STRN: variants seen among roughly 807,000 people sequenced by gnomAD.
The protein encoded by STRN is striatin, also known as protein phosphatase 2 regulatory subunit B'''alpha.
In STRN, 53 loss-of-function variants were observed where a neutral mutation model predicts 96.3. The observed-to-expected ratio is 0.55, with a 90% CI of 0.44 to 0.69. STRN has a LOEUF of 0.69. STRN is among the 30% of genes least tolerant of loss of function. The pLI, the probability that STRN is intolerant of heterozygous loss-of-function variation, is 0.00. For synonymous variants in STRN, 428 were observed against 355.9 expected (o/e 1.20, Z -2.28); for missense variants, 987 against 963.9 (o/e 1.02, Z -0.32).
intron 3 of STRN, among the ~76,000 whole-genome samples, chr2:36,913,202 C>T (rs962691904): frequency 6.6e-6 from 1 of 152,168 alleles, no homozygotes; most frequent in Non-Finnish European, 1.5e-5. Flanking sequence ...TCATCATAAA[C>T]CCCTAATTAA....
chr2:36,914,063 T>C (rs1670030173), intron 3 of STRN, among the ~76,000 whole-genome samples: 1 of 152,112 alleles, frequency 6.6e-6, no homozygotes, highest in African/African-American at 2.4e-5. Context: ...TAGCACACTA[T>C]AACCTAACCT....
At chr2:36,875,337 C>T (rs1445079636) in intron 10 of STRN, among the ~76,000 whole-genome samples, 1 of 151,512 alleles carries the variant, frequency 6.6e-6, no homozygotes, top group Non-Finnish European at 1.5e-5. Context: ...TAGCAAGATC[C>T]CGTCTATACA....
rs547419266 is a variant in STRN at position 36,930,660 on chromosome 2, CAGTT to C, written c.235-5456_235-5453del. Among the ~76,000 whole-genome samples, 264 of 152,086 alleles carry C rather than the reference CAGTT, an allele frequency of 1.7e-3. 3 individuals carry two copies. In the Middle Eastern group the frequency reaches 0.027, roughly 16 times the overall value. ...CCACTGACTTAAACCGTTTGTAACA[CAGTT>C]AGGAGGCCAAAAACAAAAAACAAAG... On this transcript the variant is annotated intron_variant, in intron 1 of 17. Transcript: ENST00000263918.
chr2:36,945,926 A>G (rs180739436), intron 1 of STRN, among the ~76,000 whole-genome samples: 1 of 152,326 alleles, frequency 6.6e-6, no homozygotes, highest in East Asian at 1.9e-4. Context: ...TACTACACTT[A>G]ACAGTTATAC....
intron 1 of STRN, among the ~76,000 whole-genome samples, chr2:36,952,108 T>C (rs1664768449): frequency 6.6e-6 from 1 of 152,166 alleles, no homozygotes; most frequent in Non-Finnish European, 1.5e-5. Context: ...AAAACTCGAA[T>C]TAGCATTCTA....
At position 36,846,447 on chromosome 2, in the gene STRN, ATT is replaced by A. The variant is rs1668080562; in HGVS notation, c.*3007_*3008del. The A allele has an allele frequency of 7.5e-6, 1 of 133,652 alleles. No homozygotes were observed. The highest frequency in any genetic ancestry group is 7.5e-5 in the Admixed American group (1 of 13,300). 8.3% of individuals were successfully genotyped at this position (133,652 alleles called of 1,614,324 possible). ...TATATATAGTTTATATATTATATAT[ATT>A]CTTACAATATATATAATATATATTT... On this transcript the variant is annotated 3_prime_UTR_variant, in exon 18 of 18. Coordinates refer to ENST00000263918, the MANE Select transcript of STRN (RefSeq NM_003162.4).
At chr2:36,914,263 C>T (rs1398335927) in intron 3 of STRN, among the ~76,000 whole-genome samples, 1 of 152,180 alleles carries the variant, frequency 6.6e-6, no homozygotes, top group South Asian at 2.1e-4. Flanking sequence ...AGTGGGATTA[C>T]AGGCATTAGC....
chr2:36,914,118 T>C (rs144949348), intron 3 of STRN, among the ~76,000 whole-genome samples: 3 of 152,240 alleles, frequency 2.0e-5, no homozygotes, highest in East Asian at 1.9e-4. Context: ...GCCTCCCCAG[T>C]AGCTAGGACT....
chr2:36,951,575 C>T (rs1335230970), intron 1 of STRN, among the ~76,000 whole-genome samples: 1 of 152,128 alleles, frequency 6.6e-6, no homozygotes, highest in Non-Finnish European at 1.5e-5. Context: ...CTTAAGGACA[C>T]AATTTAGCTG....
chr2:36,920,867 G>C (rs1482639532), intron 2 of STRN, among the ~76,000 whole-genome samples: 35 of 151,886 alleles, frequency 2.3e-4, no homozygotes, highest in Admixed American at 1.9e-3. Flanking sequence ...ACAAGGTCAA[G>C]GGATCGAGAC....
chr2:36,897,235 A>G (rs1322038427), intron 6 of STRN, among the ~76,000 whole-genome samples: 1 of 152,064 alleles, frequency 6.6e-6, no homozygotes, highest in Non-Finnish European at 1.5e-5. Flanking sequence ...TTTTAATAGG[A>G]TAACTTTCAG....
intron 1 of STRN, among the ~76,000 whole-genome samples, chr2:36,942,627 A>T (rs907962071): frequency 5.9e-5 from 9 of 152,210 alleles, no homozygotes; most frequent in African/African-American, 2.2e-4. Flanking sequence ...ACCAATTGAC[A>T]ATACCACGAA....
intron 14 of STRN, 24 bp from the exon 15 acceptor site, chr2:36,855,376 G>C: frequency 6.2e-7 from 1 of 1,607,194 alleles, no homozygotes; most frequent in Non-Finnish European, 8.5e-7. Flanking sequence ...TATTGAAATA[G>C]AATGGCAATT....
chr2:36,864,324 G>A (rs1572630901), intron 12 of STRN, among the ~76,000 whole-genome samples: 1 of 152,174 alleles, frequency 6.6e-6, no homozygotes, highest in East Asian at 1.9e-4. Context: ...TTTGGGGTAT[G>A]TTCCTTCAAT....
At chr2:36,887,293 AT>A (rs1669262432) in intron 7 of STRN, among the ~76,000 whole-genome samples, 1 of 149,436 alleles carries the variant, frequency 6.7e-6, no homozygotes, top group Admixed American at 6.7e-5. Context: ...AAATAAATAA[AT>A]AAATAAATAA....
intron 1 of STRN, among the ~76,000 whole-genome samples, chr2:36,932,141 G>C (rs1367204116): frequency 1.3e-5 from 2 of 151,286 alleles, no homozygotes; most frequent in African/African-American, 4.9e-5. Context: ...TTCTAATCTG[G>C]TATTTATTCT....
chr2:36,842,125 A>G lies in STRN; in HGVS notation c.*7331T>C, dbSNP rs1175220876. On this transcript the variant is annotated 3_prime_UTR_variant, in exon 18 of 18. Transcript: ENST00000263918. ...TGCCAGCATACTTTAACATTTCGGC[A>G]CATATACAAACCACAAGCTGTTTAT... The G allele has an allele frequency of 6.6e-6, 1 of 152,236 alleles. No homozygotes were observed. Among genetic ancestry groups the G allele is most frequent in the East Asian group, 1.9e-4 (1 of 5,208 alleles). The allele number at this position is 152,236 out of a possible 1,614,324, so 9.4% of individuals were successfully genotyped here.
At chr2:36,937,543 AC>A in intron 1 of STRN, among the ~76,000 whole-genome samples, 1 of 151,836 alleles carries the variant, frequency 6.6e-6, no homozygotes, top group East Asian at 1.9e-4. Context: ...GGTGGTGCAC[AC>A]CTGTAGTCTC....
intron 1 of STRN, among the ~76,000 whole-genome samples, chr2:36,943,945 C>T (rs1234456654): frequency 6.6e-6 from 1 of 151,802 alleles, no homozygotes; most frequent in Non-Finnish European, 1.5e-5. Flanking sequence ...GGTGAAACCC[C>T]GTCTCCATTA....
Sources: gnomAD v4.1 joint callset for allele counts (sites outside exome capture counted in the v4.1 genomes callset) on GRCh38, gnomAD v4.1.1 for gene constraint, MANE v1.5 for transcripts, NCBI Gene and HGNC (gene_info 2026-07-23, HGNC 2026-07-21) for gene names.